The following SMIM35 variants were observed in gnomAD, a reference collection of about 807,000 sequenced individuals.
SMIM35 encodes TMPRSS4 antisense RNA 1 (non-protein coding).
chr11:118,052,642 C>T lies in SMIM35; in HGVS notation c.7+34109G>A, dbSNP rs189929429. The stretch of plus-strand genomic sequence containing the variant: ...AGATAAGCCCCTAGCTCTTCCCTAA[C>T]GTGATCGCCTACGCCCCCTTCCTTC... On this transcript the variant is annotated intron_variant, in intron 1 of 4. Transcript: ENST00000689828. 2.0e-3 allele frequency among the ~76,000 whole-genome samples: 297 copies of T among 152,198 alleles called. 1 individual carries two copies. The highest frequency in any genetic ancestry group is 6.5e-3 in the African/African-American group (269 of 41,504).
chr11:118,053,185 A>G (rs1225056596), intron 1 of SMIM35, among the ~76,000 whole-genome samples: 2 of 152,134 alleles, frequency 1.3e-5, no homozygotes, highest in Non-Finnish European at 2.9e-5. Flanking sequence ...CAGGGCGCCT[A>G]TAATCCCAGC....
intron 1 of SMIM35, among the ~76,000 whole-genome samples, chr11:118,038,804 A>G (rs1041936762): frequency 4.6e-5 from 7 of 152,258 alleles, no homozygotes; most frequent in African/African-American, 1.4e-4. Flanking sequence ...TCAGAAAAGA[A>G]AACAATAATA....
At chr11:118,086,597 G>A (rs988590070) in intron 1 of SMIM35, among the ~76,000 whole-genome samples, 154 bp downstream of exon 1, 2 of 152,194 alleles carry the variant, frequency 1.3e-5, no homozygotes, top group African/African-American at 4.8e-5. Context: ...TAACAGGTGC[G>A]ATCCCAGGAT....
At chr11:118,067,956 A>G (rs1002042340) in intron 1 of SMIM35, among the ~76,000 whole-genome samples, 1 of 148,912 alleles carries the variant, frequency 6.7e-6, no homozygotes, top group African/African-American at 2.5e-5. Context: ...ACACAGAAAT[A>G]GAAGTTTCTC....
At chr11:118,016,088 T>TTCTACCTGGAAAAAGC (rs1207141038) in intron 1 of SMIM35, among the ~76,000 whole-genome samples, 1 of 152,182 alleles carries the variant, frequency 6.6e-6, no homozygotes, top group African/African-American at 2.4e-5. Context: ...CACAGGCATA[T>TTCTACCTGGAAAAAGC]TCTACCTGGA....
chr11:118,016,110 C>G (rs906906009), intron 1 of SMIM35, among the ~76,000 whole-genome samples: 4 of 152,108 alleles, frequency 2.6e-5, no homozygotes, highest in African/African-American at 9.7e-5. Context: ...AAAGCTCTAC[C>G]TGTGTCGGGG....
intron 1 of SMIM35, among the ~76,000 whole-genome samples, chr11:118,068,273 C>T (rs1488693100): frequency 6.6e-6 from 1 of 152,036 alleles, no homozygotes; most frequent in African/African-American, 2.4e-5. Context: ...TGGTTTTCCA[C>T]CTGACAAAGT....
At chr11:118,074,438 G>C in intron 1 of SMIM35, among the ~76,000 whole-genome samples, 1 of 152,180 alleles carries the variant, frequency 6.6e-6, no homozygotes, top group Non-Finnish European at 1.5e-5. Flanking sequence ...GAGAGCTGAG[G>C]CTTCCTCCGG....
intron 1 of SMIM35, among the ~76,000 whole-genome samples, chr11:118,072,445 G>C (rs1390206815): frequency 6.6e-6 from 1 of 152,200 alleles, no homozygotes; most frequent in Non-Finnish European, 1.5e-5. Context: ...CGGAGATCGT[G>C]ACATTGCACT....
chr11:118,054,640 C>T (rs958302540), intron 1 of SMIM35, among the ~76,000 whole-genome samples: 2 of 152,054 alleles, frequency 1.3e-5, no homozygotes, highest in Admixed American at 6.6e-5. Context: ...AGTGTTTATG[C>T]GTGCAAAAAT....
At chr11:118,071,602 G>A (rs769749247) in intron 1 of SMIM35, among the ~76,000 whole-genome samples, 5 of 152,156 alleles carry the variant, frequency 3.3e-5, no homozygotes, top group Admixed American at 3.3e-4. Context: ...TAATTTCTTG[G>A]AAGAGATGTG....
At chr11:118,073,726 G>T (rs1329581046) in intron 1 of SMIM35, among the ~76,000 whole-genome samples, 1 of 152,238 alleles carries the variant, frequency 6.6e-6, no homozygotes. Context: ...AGGCGGGAGG[G>T]CTGTGGCAAT....
chr11:118,031,594 C>T (rs1252533583), intron 1 of SMIM35, among the ~76,000 whole-genome samples: 1 of 151,912 alleles, frequency 6.6e-6, no homozygotes, highest in Admixed American at 6.6e-5. Flanking sequence ...GGGAACAACC[C>T]ACTGAATAAA....
At chr11:118,077,621 G>A (rs1944759616) in intron 1 of SMIM35, among the ~76,000 whole-genome samples, 1 of 152,186 alleles carries the variant, frequency 6.6e-6, no homozygotes, top group Non-Finnish European at 1.5e-5. Flanking sequence ...AGGTCTGTTG[G>A]TTAGAGGTTG....
chr11:118,061,015 C>G (rs753102204), intron 1 of SMIM35, among the ~76,000 whole-genome samples: 4 of 152,240 alleles, frequency 2.6e-5, no homozygotes, highest in South Asian at 4.1e-4. Context: ...CAGTGGGAGG[C>G]GTCCAGGCCA....
chr11:118,047,606 G>T (rs986182088), intron 1 of SMIM35, among the ~76,000 whole-genome samples: 130 of 152,316 alleles, frequency 8.5e-4, no homozygotes, highest in African/African-American at 3.0e-3. Context: ...AGACTGTCCT[G>T]TCCAGAGACT....
intron 1 of SMIM35, among the ~76,000 whole-genome samples, chr11:118,030,180 A>G (rs1460588550): frequency 1.3e-5 from 2 of 152,066 alleles, no homozygotes; most frequent in African/African-American, 2.4e-5. Flanking sequence ...GATTACAGGC[A>G]TGCATCACCA....
intron 1 of SMIM35, chr11:118,028,777 A>C (rs1171850617): frequency 2.2e-6 from 1 of 448,502 alleles, no homozygotes; most frequent in Non-Finnish European, 4.5e-6. Flanking sequence ...CTGAGAAGCA[A>C]AAGGAGGAGG....
chr11:118,067,860 CATATATAT>C (rs57497227), intron 1 of SMIM35, among the ~76,000 whole-genome samples: 969 of 80,680 alleles, frequency 0.012, 13 homozygotes, highest in East Asian at 0.023. Context: ...CAACAACAAA[CATATATAT>C]ATATATATAT....
Sources: gnomAD v4.1 joint callset for allele counts (sites outside exome capture counted in the v4.1 genomes callset) on GRCh38, gnomAD v4.1.1 for gene constraint, MANE v1.5 for transcripts, NCBI Gene and HGNC (gene_info 2026-07-23, HGNC 2026-07-21) for gene names.